ATAD2: variants seen among roughly 807,000 people sequenced by gnomAD.
The protein encoded by ATAD2 is ATPase family AAA domain-containing protein 2.
A neutral mutation model predicts 168.9 loss-of-function variants in ATAD2; 62 were observed. That is an observed-to-expected ratio of 0.37 (90% CI 0.30 to 0.45). The LOEUF (loss-of-function observed/expected upper bound fraction) is 0.45, where lower values mean the gene tolerates loss of function less well. ATAD2 is among the 20% of genes least tolerant of loss of function. The pLI, the probability that ATAD2 is intolerant of heterozygous loss-of-function variation, is 1.00. For synonymous variants in ATAD2, 613 were observed against 571.6 expected (o/e 1.07, Z -1.03); for missense variants, 1,419 against 1,667.8 (o/e 0.85, Z 2.60).
intron 1 of ATAD2, among the ~76,000 whole-genome samples, chr8:123,385,301 A>G (rs1829616494): frequency 6.6e-6 from 1 of 152,052 alleles, no homozygotes; most frequent in African/African-American, 2.4e-5. Context: ...TGAAAATGCA[A>G]ATTAAAAGAG....
At chr8:123,407,101 G>T (rs1422766635) in intron 1 of ATAD2, among the ~76,000 whole-genome samples, 1 of 152,170 alleles carries the variant, frequency 6.6e-6, no homozygotes, top group Non-Finnish European at 1.5e-5. Flanking sequence ...TTGCAGTGAT[G>T]TGTTTATAAG....
At chr8:123,336,581 CAT>C (rs756229761) in intron 21 of ATAD2, 49 bp from the exon 22 acceptor site, 27 of 1,400,272 alleles carry the variant, frequency 1.9e-5, no homozygotes, top group East Asian at 1.8e-4. Flanking sequence ...CTAAACATAA[CAT>C]GTGAGTCAAG....
In ATAD2 at chr8:123,403,805, A is replaced by G. The variant is rs1813036834; in HGVS notation, c.-2281-2630T>C. Among the ~76,000 whole-genome samples the G allele has an allele frequency of 2.6e-5, 4 of 152,284 alleles. No homozygotes were observed. In the South Asian group the frequency reaches 6.2e-4, roughly 24 times the overall value. ...CAGTGAGCAGATGCGAAATGGACAT[A>G]GATGGGGGATCTATTTCAGATCACA... On this transcript the variant is annotated intron_variant, in intron 1 of 28. Coordinates refer to the ATAD2 transcript ENST00000521903.
chr8:123,384,393 C>T (rs1236960874), intron 1 of ATAD2, among the ~76,000 whole-genome samples: 1 of 152,054 alleles, frequency 6.6e-6, no homozygotes, highest in African/African-American at 2.4e-5. Flanking sequence ...GTTTGTTTTG[C>T]TTTAGGAGCT....
intron 19 of ATAD2, among the ~76,000 whole-genome samples, chr8:123,342,081 C>T (rs374026302): frequency 6.6e-5 from 10 of 152,050 alleles, no homozygotes; most frequent in African/African-American, 1.9e-4. Flanking sequence ...AGTGCGACTC[C>T]GTCTCCAAAA....
At position 123,401,881 on chromosome 8, in the gene ATAD2, C is replaced by G; in HGVS notation, c.-2281-706G>C. ...TCAGTGAGGAGGATAAGGTGAAGAT[C>G]ACACAGGGTGTCTCGGGCTCCATCC... On this transcript the variant is annotated intron_variant, in intron 1 of 28. Coordinates refer to the ATAD2 transcript ENST00000521903. 4 of 764,970 alleles carry G rather than the reference C, an allele frequency of 5.2e-6. No individual in the cohort carries two copies. The Admixed American group carries it at 6.8e-5, about 13-fold the overall frequency. The allele number at this position is 764,970 out of a possible 1,614,324, so 47.4% of individuals were successfully genotyped here.
Position 123,346,108 on chromosome 8 carries a change from G to C in ATAD2, c.2510C>G (p.Ser837Cys). 6.4e-7 allele frequency: 1 copy of C among 1,564,506 alleles called. No homozygotes were observed. Among genetic ancestry groups the C allele is most frequent in the African/African-American group, 1.4e-5 (1 of 71,968 alleles). Residue 837 changes from serine (S) to cysteine (C), a missense_variant, in exon 18 of 28, where the codon TCC (serine) becomes TGC (cysteine). Transcript: ENST00000287394. ...IPVLFGVSTT[S>C]PEETCAQVIR... ...TACCTGGGCACATGTTTCTTCAGGG[G>C]ATGTAGTACTAACTCCAAAAAGAAC...
intron 24 of ATAD2, 26 bp from the exon 25 acceptor site, chr8:123,328,605 T>C (rs1186194129): frequency 3.5e-5 from 53 of 1,498,746 alleles, no homozygotes; most frequent in Non-Finnish European, 4.5e-5. Context: ...AGAAAAATGA[T>C]GAAAGAACAT....
Position 123,359,645 on chromosome 8 carries a change from T to C in ATAD2, c.1198A>G (p.Ile400Val), listed in dbSNP as rs1050070312. Residue 400 changes from isoleucine to valine, a missense_variant, in exon 10 of 28, where the codon ATT becomes GTT. Coordinates refer to ENST00000287394, the MANE Select transcript of ATAD2 (RefSeq NM_014109.4). ...CCAATTTTCATTCGATCTTTATAAA[T>C]GCCTTTTAATTCATCTTTCCGAAAA... ...LNFRKDELKG[I>V]YKDRMKIGAS... The C allele has an allele frequency of 1.9e-6, 3 of 1,613,164 alleles. No homozygotes were observed. The highest frequency in any genetic ancestry group is 1.7e-5 in the Admixed American group (1 of 59,828).
chr8:123,328,889 C>T (rs1311423498), intron 24 of ATAD2, among the ~76,000 whole-genome samples: 3 of 150,362 alleles, frequency 2.0e-5, no homozygotes, highest in African/African-American at 7.4e-5. Flanking sequence ...CAAGCTCTGC[C>T]TCCCGGGTTC....
chr8:123,359,746 C>A, intron 9 of ATAD2, 61 bp from the exon 10 acceptor site: 3 of 1,138,838 alleles, frequency 2.6e-6, no homozygotes, highest in Non-Finnish European at 2.5e-6. Flanking sequence ...TTCCCAAATT[C>A]CATGTTTGAA....
chr8:123,410,756 G>A (rs1271445163), intron 1 of ATAD2, among the ~76,000 whole-genome samples: 3 of 152,060 alleles, frequency 2.0e-5, no homozygotes, highest in Non-Finnish European at 4.4e-5. Context: ...CTGAGCTTTC[G>A]CTCGCCGTCC....
chr8:123,339,424 T>C lies in ATAD2; in HGVS notation c.2741A>G (p.Asp914Gly), dbSNP rs762352704. 1.3e-6 allele frequency: 2 copies of C among 1,594,602 alleles called. No individual in the cohort carries two copies. The highest frequency in any genetic ancestry group is 4.5e-5 in the East Asian group (2 of 44,722). The change falls in exon 20 of 28, where the codon GAT (aspartate) becomes GGT (glycine). Residue 914 changes from aspartate (D) to glycine (G), a missense_variant. Physicochemically the swap from Asp to Gly is moderately conservative, Grantham distance 94. Coordinates refer to ENST00000287394, the MANE Select transcript of ATAD2 (RefSeq NM_014109.4). ...PEEVQELFIRDYGEIFNVQLP... is the reference protein window; with the variant it reads ...PEEVQELFIRGYGEIFNVQLP... ...CTGGACATTAAAAATCTCTCCATAA[T>C]CACGGATAAACAATTCTTGCACCTT...
rs544452071 is a variant in ATAD2, at chr8:123,410,280, A to ATTAT, written c.-2282+5964_-2282+5967dup. On this transcript the variant is annotated intron_variant, in intron 1 of 28. Transcript: ENST00000521903. ...TTTATAGTTTCTATTGTAGGATCAT[A>ATTAT]TTATTTATTTATTTATTTATTTATT... 2.9e-3 allele frequency among the ~76,000 whole-genome samples: 438 copies of ATTAT among 151,760 alleles called. 3 individuals carry two copies. Among genetic ancestry groups the ATTAT allele is most frequent in the African/African-American group, 9.4e-3 (390 of 41,356 alleles).
chr8:123,355,226 TTGTTAGA>T (rs1279486908), intron 13 of ATAD2, among the ~76,000 whole-genome samples: 1 of 152,170 alleles, frequency 6.6e-6, no homozygotes, highest in Admixed American at 6.5e-5. Context: ...ATAGCAAATC[TTGTTAGA>T]TGTTAGAAAA....
intron 26 of ATAD2, 117 bp downstream of exon 26, chr8:123,325,774 GAA>G: frequency 7.6e-7 from 1 of 1,320,026 alleles, no homozygotes; most frequent in Admixed American, 2.3e-5. Context: ...AAGCTTGGAG[GAA>G]AAAAAGTTTT....
chr8:123,342,110 A>G (rs1828081290), intron 19 of ATAD2, among the ~76,000 whole-genome samples: 1 of 152,158 alleles, frequency 6.6e-6, no homozygotes, highest in African/African-American at 2.4e-5. Context: ...ATAAACAAGT[A>G]AATAAAATAA....
intron 13 of ATAD2, among the ~76,000 whole-genome samples, chr8:123,350,373 C>A (rs959328330): frequency 2.0e-4 from 31 of 152,238 alleles, no homozygotes; most frequent in African/African-American, 6.7e-4. Context: ...CAAGGACTTA[C>A]AACAAACCCA....
At position 123,371,851 on chromosome 8, in the gene ATAD2, C is replaced by A; in HGVS notation, c.371-16G>T. On this transcript the variant is annotated splice_polypyrimidine_tract_variant and intron_variant, in intron 3 of 27. Coordinates refer to ENST00000287394, the MANE Select transcript of ATAD2 (RefSeq NM_014109.4). ...ATCACTTTGTCTTCACAAATGCATACATAAAAATAAATAGAAACATTTGAA... is the reference window on the plus strand; with the variant it reads ...ATCACTTTGTCTTCACAAATGCATAAATAAAAATAAATAGAAACATTTGAA... 1 of 1,539,386 alleles carries A rather than the reference C, an allele frequency of 6.5e-7. No homozygotes were observed. Among genetic ancestry groups the A allele is most frequent in the Non-Finnish European group, 8.7e-7 (1 of 1,146,918 alleles).
Sources: allele counts gnomAD v4.1 joint callset (sites outside exome capture counted in the v4.1 genomes callset), GRCh38; gene constraint gnomAD v4.1.1; transcripts MANE v1.5; gene names NCBI Gene and HGNC (gene_info 2026-07-23, HGNC 2026-07-21).